The following EYS variants were observed in gnomAD, a reference collection of about 807,000 sequenced individuals.
EYS encodes protein eyes shut homolog.
Under a neutral mutation model 282.1 loss-of-function variants are expected in EYS, and 250 were observed. The observed-to-expected ratio is 0.89, with a 90% CI of 0.80 to 0.98. The LOEUF (loss-of-function observed/expected upper bound fraction) is 0.98. EYS is among the 50% of genes least tolerant of loss of function. The pLI, the probability that EYS is intolerant of heterozygous loss-of-function variation, is 0.00. For missense variants in EYS, 4,016 were observed against 3,709.0 expected, an observed-to-expected ratio of 1.08 and a Z score of -2.15; for synonymous variants, 1,355 against 1,282.9, an observed-to-expected ratio of 1.06 and a Z score of -1.20.
chr6:65,294,028 T>C (rs1768597757), intron 12 of EYS, among the ~76,000 whole-genome samples: 1 of 149,920 alleles, frequency 6.7e-6, no homozygotes, highest in South Asian at 2.1e-4. Flanking sequence ...AGAAATCAAA[T>C]GGAAAGGGAG....
Position 64,116,030 on chromosome 6 carries a change from C to T in EYS, c.6425-34028G>A, listed in dbSNP as rs370937719. ...ACCCAACAAAATCGGAAAAATAATA[C>T]ATGAAAAAAATGAGAAGTTCAATAA... On this transcript the variant is annotated intron_variant, in intron 31 of 42. Transcript: ENST00000503581. Among the ~76,000 whole-genome samples, 16 of 151,766 alleles carry T rather than the reference C, an allele frequency of 1.1e-4. No individual in the cohort carries two copies. In the East Asian group the frequency reaches 2.9e-3, roughly 28 times the overall value.
rs1407301072 is a variant in EYS at position 64,822,732 on chromosome 6, C to A, written c.3083G>T (p.Cys1028Phe). 6.5e-7 allele frequency: 1 copy of A among 1,549,914 alleles called. No individual in the cohort carries two copies. The highest frequency in any genetic ancestry group is 8.7e-7 in the Non-Finnish European group (1 of 1,145,988). The change falls in exon 20 of 43, where the codon TGT (cysteine) becomes TTT (phenylalanine). Residue 1028 changes from cysteine to phenylalanine, a missense_variant. Physicochemically the swap from Cys to Phe is radical, Grantham distance 205 (BLOSUM62 -2). Coordinates refer to ENST00000503581, the MANE Select transcript of EYS (RefSeq NM_001142800.2). ...TCCAAAAAACCCACTCTTGCAGTCA[C>A]AGGTATAATGATTGATGCCATCGAT... ...VCIDGINHYT[C>F]DCKSGFFGTH...
At chr6:65,390,468 G>A (rs987159199) in intron 7 of EYS, among the ~76,000 whole-genome samples, 4 of 151,782 alleles carry the variant, frequency 2.6e-5, no homozygotes, top group African/African-American at 4.8e-5. Flanking sequence ...CAAGGGCAAC[G>A]CTGTCTATAC....
At chr6:64,687,633 T>C (rs573663376) in intron 22 of EYS, among the ~76,000 whole-genome samples, 1 of 152,354 alleles carries the variant, frequency 6.6e-6, no homozygotes, top group East Asian at 1.9e-4. Context: ...AGTATTTTAT[T>C]GAGGATTTTT....
intron 24 of EYS, among the ~76,000 whole-genome samples, chr6:64,597,496 G>GTA (rs1766624125): frequency 6.6e-6 from 1 of 152,040 alleles, no homozygotes; most frequent in Admixed American, 6.5e-5. Flanking sequence ...GAAAATGGTG[G>GTA]TATATATACA....
chr6:64,599,916 A>C (rs1375616457), intron 24 of EYS, among the ~76,000 whole-genome samples: 1 of 152,120 alleles, frequency 6.6e-6, no homozygotes, highest in East Asian at 1.9e-4. Context: ...AACAAACATC[A>C]CTGTCAATTA....
chr6:64,233,560 A>G (rs1162961293), intron 30 of EYS, among the ~76,000 whole-genome samples: 1 of 152,236 alleles, frequency 6.6e-6, no homozygotes, highest in Non-Finnish European at 1.5e-5. Flanking sequence ...AAAAAGGAAC[A>G]GTAAAATTAC....
intron 22 of EYS, among the ~76,000 whole-genome samples, chr6:64,720,229 G>C (rs1040952879): frequency 6.6e-6 from 1 of 152,098 alleles, no homozygotes; most frequent in African/African-American, 2.4e-5. Context: ...CAGCAGTGCA[G>C]CATCTTCACA....
intron 12 of EYS, 76 bp from the exon 13 acceptor site, chr6:65,057,803 A>C (rs1033737984): frequency 2.0e-6 from 2 of 1,014,112 alleles, no homozygotes; most frequent in African/African-American, 3.2e-5. Context: ...TTAAATTTGC[A>C]CAAGCCTTTA....
At chr6:64,268,957 A>C (rs1255383957) in intron 30 of EYS, among the ~76,000 whole-genome samples, 1 of 152,168 alleles carries the variant, frequency 6.6e-6, no homozygotes, top group Non-Finnish European at 1.5e-5. Context: ...TTTATATCTG[A>C]ATTAACAAAA....
chr6:63,838,322 A>G (rs950469144), intron 36 of EYS, among the ~76,000 whole-genome samples: 5 of 152,212 alleles, frequency 3.3e-5, no homozygotes, highest in African/African-American at 1.2e-4. Context: ...AGACGTTAGT[A>G]TAAAGATTTA....
intron 15 of EYS, among the ~76,000 whole-genome samples, chr6:64,941,190 G>A (rs1412318545): frequency 6.6e-6 from 1 of 151,930 alleles, no homozygotes. Context: ...AGACCAGCCT[G>A]GCTAACATGG....
At chr6:64,265,830 T>C (rs1164334190) in intron 30 of EYS, among the ~76,000 whole-genome samples, 5 of 152,142 alleles carry the variant, frequency 3.3e-5, no homozygotes, top group African/African-American at 1.2e-4. Context: ...AAAATAACTC[T>C]TCTTATTTAG....
intron 5 of EYS, among the ~76,000 whole-genome samples, chr6:65,429,425 C>T (rs1767792585): frequency 1.3e-5 from 2 of 152,142 alleles, no homozygotes; most frequent in South Asian, 4.1e-4. Flanking sequence ...AATTCATTTT[C>T]CAGCAGGCAA....
intron 31 of EYS, among the ~76,000 whole-genome samples, chr6:64,127,056 C>A (rs1773810463): frequency 6.6e-6 from 1 of 152,098 alleles, no homozygotes; most frequent in Non-Finnish European, 1.5e-5. Context: ...TAAAATTAAA[C>A]TCTGAAAGGC....
At chr6:64,392,779 G>T (rs944447647) in intron 28 of EYS, among the ~76,000 whole-genome samples, 2 of 150,596 alleles carry the variant, frequency 1.3e-5, no homozygotes, top group South Asian at 4.2e-4. Flanking sequence ...ACTAAAATCA[G>T]AGCAGAACTG....
chr6:64,509,072 A>C (rs550250704), intron 26 of EYS, among the ~76,000 whole-genome samples: 1 of 152,086 alleles, frequency 6.6e-6, no homozygotes, highest in African/African-American at 2.4e-5. Context: ...TTTTGTTCAC[A>C]TATTTTGAAA....
intron 33 of EYS, among the ~76,000 whole-genome samples, chr6:64,030,613 C>A (rs1769775932): frequency 1.3e-5 from 2 of 152,164 alleles, no homozygotes; most frequent in East Asian, 1.9e-4. Flanking sequence ...AAATCAGATG[C>A]CTTTCAAATT....
chr6:65,684,508 G>A (rs1768940540), intron 1 of EYS, among the ~76,000 whole-genome samples: 1 of 151,904 alleles, frequency 6.6e-6, no homozygotes, highest in South Asian at 2.1e-4. Context: ...ACGCTATATG[G>A]TACAGAAATG....
Sources: allele counts gnomAD v4.1 joint callset (sites outside exome capture counted in the v4.1 genomes callset), GRCh38; gene constraint gnomAD v4.1.1; transcripts MANE v1.5; gene names NCBI Gene and HGNC (gene_info 2026-07-23, HGNC 2026-07-21).